The following SLIT3 variants were observed in gnomAD, a reference collection of about 807,000 sequenced individuals.
SLIT3 encodes slit homolog 3 protein.
Under a neutral mutation model 184.0 loss-of-function variants are expected in SLIT3, and 68 were observed. The observed-to-expected ratio is 0.37, with a 90% CI of 0.30 to 0.45. The LOEUF (loss-of-function observed/expected upper bound fraction) is 0.45. Among genes scored for constraint, SLIT3 ranks in the 20% least tolerant of loss-of-function variants. The pLI is 1.00. For synonymous variants in SLIT3, 831 were observed against 828.6 expected, an observed-to-expected ratio of 1.00 and a Z score of -0.05; for missense variants, 1,707 against 2,026.0, an observed-to-expected ratio of 0.84 and a Z score of 3.02.
At chr5:168,810,203 A>T (rs1757116240) in intron 8 of SLIT3, among the ~76,000 whole-genome samples, 1 of 152,240 alleles carries the variant, frequency 6.6e-6, no homozygotes, top group African/African-American at 2.4e-5. Context: ...GTAAGTTGGG[A>T]AACAGAGAGG....
At chr5:169,187,828 A>G (rs1253256058) in intron 4 of SLIT3, among the ~76,000 whole-genome samples, 1 of 151,722 alleles carries the variant, frequency 6.6e-6, no homozygotes, top group East Asian at 1.9e-4. Context: ...TGTTGGGATT[A>G]CAGGCGTCAG....
At chr5:169,194,233 C>CAAAAAAAAAA (rs10571842) in intron 3 of SLIT3, among the ~76,000 whole-genome samples, 91 of 61,388 alleles carry the variant, frequency 1.5e-3, no homozygotes, top group Non-Finnish European at 2.0e-3. Context: ...GACTCTGTCT[C>CAAAAAAAAAA]AAAAAAAAAA....
chr5:169,006,327 A>C (rs1358942619), intron 4 of SLIT3, among the ~76,000 whole-genome samples: 2 of 152,194 alleles, frequency 1.3e-5, no homozygotes, highest in Non-Finnish European at 2.9e-5. Context: ...GAGATGCGAC[A>C]ATGAGAGAGT....
intron 5 of SLIT3, among the ~76,000 whole-genome samples, chr5:168,867,716 C>T (rs1165919707): frequency 6.6e-6 from 1 of 152,198 alleles, no homozygotes; most frequent in Non-Finnish European, 1.5e-5. Context: ...TTTGCCTCCC[C>T]CGAGCCTTCT....
rs181364858 is a variant in SLIT3, at chr5:169,187,516, G to A, written c.413+5963C>T. ...CCCCTTGGTCTGCTCATCCTTATAG[G>A]GCAAGGATAAACTTTTTTTCTTTTC... is the stretch of plus-strand genomic sequence containing the variant. On this transcript the variant is annotated intron_variant, in intron 4 of 35. Transcript: ENST00000519560. Among the ~76,000 whole-genome samples, 35 of 151,840 alleles carry A rather than the reference G, an allele frequency of 2.3e-4. No homozygotes were observed. In the East Asian group the frequency reaches 3.7e-3, roughly 16 times the overall value.
At chr5:169,230,487 CTAAT>C (rs1764966704) in intron 3 of SLIT3, among the ~76,000 whole-genome samples, 1 of 152,192 alleles carries the variant, frequency 6.6e-6, no homozygotes, top group Admixed American at 6.5e-5. Flanking sequence ...AATATGTAAT[CTAAT>C]TATTTGTTTC....
chr5:169,263,797 A>T (rs1250640253), intron 1 of SLIT3: 1 of 417,584 alleles, frequency 2.4e-6, no homozygotes, highest in South Asian at 1.8e-5. Context: ...TGCACAACTC[A>T]TTTTGGTCTT....
At chr5:168,925,626 T>C (rs758789495) in intron 4 of SLIT3, among the ~76,000 whole-genome samples, 5 of 148,462 alleles carry the variant, frequency 3.4e-5, no homozygotes, top group Non-Finnish European at 7.4e-5. Context: ...GATGCCACAG[T>C]GGATATTGAG....
At chr5:169,178,929 A>T (rs928808875) in intron 4 of SLIT3, among the ~76,000 whole-genome samples, 1 of 152,146 alleles carries the variant, frequency 6.6e-6, no homozygotes, top group Non-Finnish European at 1.5e-5. Flanking sequence ...CTTCGGTGCA[A>T]TGTGGGTGAC....
intron 4 of SLIT3, among the ~76,000 whole-genome samples, chr5:168,980,068 C>T (rs1339126861): frequency 1.3e-5 from 2 of 152,056 alleles, no homozygotes; most frequent in East Asian, 1.9e-4. Context: ...CACACAACTC[C>T]GAGGCCCCAC....
intron 4 of SLIT3, among the ~76,000 whole-genome samples, chr5:168,950,587 T>A (rs890365383): frequency 2.0e-4 from 30 of 152,256 alleles, no homozygotes; most frequent in African/African-American, 7.2e-4. Flanking sequence ...GATAAAACTT[T>A]ATTTACAGAA....
intron 18 of SLIT3, among the ~76,000 whole-genome samples, chr5:168,749,997 A>G (rs908351870): frequency 6.6e-6 from 1 of 152,020 alleles, no homozygotes; most frequent in Non-Finnish European, 1.5e-5. Context: ...CCTTGGCTTC[A>G]ATGACATTTC....
chr5:169,175,308 A>G (rs1762946340), intron 4 of SLIT3, among the ~76,000 whole-genome samples: 2 of 152,184 alleles, frequency 1.3e-5, no homozygotes, highest in South Asian at 4.1e-4. Flanking sequence ...TTATGGACCT[A>G]TGTGGTGGAG....
chr5:168,864,405 A>G (rs1418429908), intron 5 of SLIT3, among the ~76,000 whole-genome samples: 5 of 152,222 alleles, frequency 3.3e-5, no homozygotes, highest in African/African-American at 4.8e-5. Flanking sequence ...TTTGGGTCCT[A>G]TTGGAATTTA....
intron 19 of SLIT3, 92 bp from the exon 20 acceptor site, chr5:168,748,526 A>C (rs1754583544): frequency 1.2e-5 from 16 of 1,283,874 alleles, no homozygotes; most frequent in Non-Finnish European, 1.7e-5. Flanking sequence ...CCACAAAGAC[A>C]AGTTGTCCCC....
chr5:169,160,263 T>C (rs7732724), intron 4 of SLIT3, among the ~76,000 whole-genome samples: 42,290 of 152,148 alleles, frequency 0.28, 6,189 homozygotes, highest in East Asian at 0.44. Flanking sequence ...TATCTTCCTT[T>C]TATAATGAGA....
At chr5:169,259,584 G>A (rs1040962879) in intron 1 of SLIT3, among the ~76,000 whole-genome samples, 2 of 152,176 alleles carry the variant, frequency 1.3e-5, no homozygotes, top group African/African-American at 4.8e-5. Context: ...TGCCTTCTGG[G>A]TTTCAGGAAA....
chr5:169,244,544 G>A (rs1438361543), intron 3 of SLIT3, among the ~76,000 whole-genome samples, 161 bp downstream of exon 3: 1 of 152,148 alleles, frequency 6.6e-6, no homozygotes, highest in African/African-American at 2.4e-5. Flanking sequence ...TCTTTAACAT[G>A]CATCTAATGT....
At chr5:168,833,489 G>A (rs1451121713) in intron 6 of SLIT3, among the ~76,000 whole-genome samples, 1 of 152,198 alleles carries the variant, frequency 6.6e-6, no homozygotes, top group African/African-American at 2.4e-5. Context: ...GTCTCTTCCA[G>A]ACTGCCATCT....
Sources: gnomAD v4.1 joint callset for allele counts (sites outside exome capture counted in the v4.1 genomes callset) on GRCh38, gnomAD v4.1.1 for gene constraint, MANE v1.5 for transcripts, NCBI Gene and HGNC (gene_info 2026-07-23, HGNC 2026-07-21) for gene names.